Variants in TAF1B observed in about 807,000 individuals in gnomAD.
TAF1B encodes TATA-box binding protein associated factor, RNA polymerase I subunit B, also known as TATA box-binding protein-associated factor RNA polymerase I subunit B.
TAF1B carries 61 observed loss-of-function variants against 83.9 expected under a neutral mutation model. The observed-to-expected ratio is 0.73, with a 90% CI of 0.59 to 0.90. The LOEUF is 0.90. Ranked by LOEUF, TAF1B falls within the 40% of genes least tolerant of loss-of-function variation. The pLI is 0.00. For missense variants in TAF1B, 625 were observed against 677.0 expected, an observed-to-expected ratio of 0.92 and a Z score of 0.85; for synonymous variants, 221 against 224.6, an observed-to-expected ratio of 0.98 and a Z score of 0.14.
chr2:9,882,723 A>G lies in TAF1B; in HGVS notation c.725A>G (p.His242Arg), dbSNP rs763507034. 1.9e-6 allele frequency: 3 copies of G among 1,610,768 alleles called. No homozygotes were observed. Among genetic ancestry groups the G allele is most frequent in the Admixed American group, 1.7e-5 (1 of 59,698 alleles). Residue 242 changes from histidine (H) to arginine (R), a missense_variant, in exon 8 of 15, where the codon CAT (histidine) becomes CGT (arginine). By Grantham distance (29) the His-to-Arg change is conservative (BLOSUM62 0). Coordinates refer to ENST00000263663, the MANE Select transcript of TAF1B (RefSeq NM_005680.3). ...SDLLRFVEED[H>R]IPYINAFQHF... ...AAATACAGGTTTGTTGAAGAGGACCATATTCCTTACATAAATGCTTTTCAG... is the reference window on the plus strand; with the variant it reads ...AAATACAGGTTTGTTGAAGAGGACCGTATTCCTTACATAAATGCTTTTCAG...
At chr2:9,910,533 G>A (rs765197255) in intron 9 of TAF1B, among the ~76,000 whole-genome samples, 5 of 152,126 alleles carry the variant, frequency 3.3e-5, no homozygotes, top group African/African-American at 4.8e-5. Flanking sequence ...TTAGGAAGTC[G>A]GAATAGGGAA....
In TAF1B at chr2:9,845,200, T is replaced by C. The variant is rs1348177820; in HGVS notation, c.19-20T>C. The C allele has an allele frequency of 6.3e-7, 1 of 1,597,818 alleles. No individual in the cohort carries two copies. The highest frequency in any genetic ancestry group is 1.4e-5 in the African/African-American group (1 of 73,902). On this transcript the variant is annotated intron_variant, in intron 1 of 14. Coordinates refer to ENST00000263663, the MANE Select transcript of TAF1B (RefSeq NM_005680.3). ...AATGTGGCTTGATGGGAACACCTTT[T>C]CTGTCCTCTTCTCCCATAGGAAGAG...
At chr2:9,859,386 A>ATTTTTTT (rs34951709) in intron 5 of TAF1B, among the ~76,000 whole-genome samples, 5 of 133,444 alleles carry the variant, frequency 3.7e-5, no homozygotes. Context: ...CACTATCAGC[A>ATTTTTTT]TTTTTTTTTT....
intron 4 of TAF1B, 42 bp downstream of exon 4, chr2:9,851,680 G>A (rs371001673): frequency 1.3e-6 from 2 of 1,523,698 alleles, no homozygotes; most frequent in African/African-American, 2.8e-5. Flanking sequence ...ACATATTTTT[G>A]TTTAAAGAAC....
intron 6 of TAF1B, among the ~76,000 whole-genome samples, chr2:9,871,719 C>A (rs1664172877): frequency 6.6e-6 from 1 of 152,120 alleles, no homozygotes; most frequent in Non-Finnish European, 1.5e-5. Flanking sequence ...CCAGCATTAT[C>A]ATCTTTAAAT....
chr2:9,876,159 C>T (rs944170951), intron 7 of TAF1B, 141 bp downstream of exon 7: 7 of 785,390 alleles, frequency 8.9e-6, no homozygotes, highest in Non-Finnish European at 1.3e-5. Flanking sequence ...AATTCTAATT[C>T]TGAAATGTAA....
At chr2:9,907,623 T>C (rs1195999990) in intron 9 of TAF1B, among the ~76,000 whole-genome samples, 5 of 152,122 alleles carry the variant, frequency 3.3e-5, no homozygotes, top group African/African-American at 1.2e-4. Context: ...AGATGCACTC[T>C]CCACCCTCTA....
At chr2:9,852,059 C>T in intron 4 of TAF1B, 1 of 471,518 alleles carries the variant, frequency 2.1e-6, no homozygotes, top group Non-Finnish European at 4.4e-6. Context: ...ACAGAATGCA[C>T]TTTGGACAGC....
intron 7 of TAF1B, among the ~76,000 whole-genome samples, chr2:9,876,943 C>T (rs1451559457): frequency 6.6e-6 from 1 of 152,146 alleles, no homozygotes; most frequent in African/African-American, 2.4e-5. Context: ...CCACCATCAT[C>T]GTCATTATTG....
At chr2:9,877,868 C>T (rs1664370714) in intron 7 of TAF1B, among the ~76,000 whole-genome samples, 1 of 152,082 alleles carries the variant, frequency 6.6e-6, no homozygotes, top group Non-Finnish European at 1.5e-5. Context: ...TTTCCCTCTC[C>T]TCCCCCACCA....
intron 8 of TAF1B, among the ~76,000 whole-genome samples, chr2:9,902,063 T>G (rs1284048174): frequency 2.0e-5 from 3 of 152,086 alleles, no homozygotes; most frequent in African/African-American, 7.2e-5. Context: ...ATAAATATAA[T>G]ACAGGGAAGA....
intron 13 of TAF1B, 147 bp downstream of exon 13, chr2:9,919,258 A>T: frequency 1.5e-6 from 1 of 673,376 alleles, no homozygotes; most frequent in Non-Finnish European, 2.5e-6. Context: ...GGAGCATCAT[A>T]CTCTGCAAGA....
chr2:9,924,247 G>A (rs767325581), intron 14 of TAF1B, among the ~76,000 whole-genome samples: 8 of 152,172 alleles, frequency 5.3e-5, no homozygotes, highest in Non-Finnish European at 1.0e-4. Context: ...CACAGAGACC[G>A]TGACTAAAAC....
chr2:9,883,147 C>T (rs1272291747), intron 8 of TAF1B, among the ~76,000 whole-genome samples: 2 of 152,090 alleles, frequency 1.3e-5, no homozygotes, highest in African/African-American at 4.8e-5. Context: ...GTTATTTGCA[C>T]ACTATATTGC....
rs959343055 is a variant in TAF1B, at chr2:9,914,752, C to T, written c.1271+1503C>T. On this transcript the variant is annotated intron_variant, in intron 12 of 14. Transcript: ENST00000263663. The surrounding 1 kb of genome is among the most constrained non-coding windows in gnomAD (Gnocchi z 4.3). Reference sequence around the variant, plus strand: ...CCCAAGGTGGAGGCTGTCGAGGGGACCCGTTTCCAAGGTCCTTCTTCCTAG... The same window carrying T: ...CCCAAGGTGGAGGCTGTCGAGGGGATCCGTTTCCAAGGTCCTTCTTCCTAG... Among the ~76,000 whole-genome samples the T allele has an allele frequency of 3.9e-5, 6 of 152,126 alleles. No individual in the cohort carries two copies. The highest frequency in any genetic ancestry group is 2.6e-4 in the Admixed American group (4 of 15,270).
At chr2:9,882,258 C>T (rs1050043285) in intron 7 of TAF1B, among the ~76,000 whole-genome samples, 5 of 152,102 alleles carry the variant, frequency 3.3e-5, no homozygotes, top group African/African-American at 1.2e-4. Context: ...AGCCACCATG[C>T]CTAGCTAATT....
intron 12 of TAF1B, among the ~76,000 whole-genome samples, 185 bp from the exon 13 acceptor site, chr2:9,918,856 C>T (rs1198879747): frequency 6.6e-6 from 1 of 152,170 alleles, no homozygotes; most frequent in African/African-American, 2.4e-5. Context: ...ATTCTCTTGG[C>T]CTGGGCTGTT....
At chr2:9,916,678 C>T (rs918029007) in intron 12 of TAF1B, among the ~76,000 whole-genome samples, 1 of 152,018 alleles carries the variant, frequency 6.6e-6, no homozygotes, top group Non-Finnish European at 1.5e-5. Flanking sequence ...ATCGCTAACT[C>T]ATTTACCATA....
At chr2:9,930,452 A>G (rs973349270) in intron 14 of TAF1B, among the ~76,000 whole-genome samples, 6 of 152,240 alleles carry the variant, frequency 3.9e-5, no homozygotes, top group African/African-American at 1.4e-4. Context: ...CAGGTTGTTC[A>G]GTTTCCAAGT....
Sources: gnomAD v4.1 joint callset for allele counts (sites outside exome capture counted in the v4.1 genomes callset) on GRCh38, gnomAD v4.1.1 for gene constraint, Gnocchi (gnomAD v3.1) non-coding constraint, MANE v1.5 for transcripts, NCBI Gene and HGNC (gene_info 2026-07-23, HGNC 2026-07-21) for gene names.